Variants in MBNL3 observed in about 807,000 individuals in gnomAD.
MBNL3 encodes muscleblind-like protein 3.
A neutral mutation model predicts 24.5 loss-of-function variants in MBNL3; 6 were observed. The ratio of observed to expected loss-of-function variants is 0.25; its 90% CI spans 0.13 to 0.48. The LOEUF (loss-of-function observed/expected upper bound fraction) is 0.48. Among genes scored for constraint, MBNL3 ranks in the 20% least tolerant of loss-of-function variants. MBNL3 has a pLI of 0.99. For missense variants in MBNL3, 230 were observed against 293.5 expected (o/e 0.78, Z 1.58); for synonymous variants, 100 against 101.7 (o/e 0.98, Z 0.10).
rs199659826 is a variant in MBNL3 at position 132,397,573 on chromosome X, ATT to A, written c.343-5241_343-5240del. On this transcript the variant is annotated intron_variant, in intron 3 of 8. Transcript: ENST00000370853. ...ACAGAAGGGTAAACATTTGGTAACA[ATT>A]TGTTGACCCAATTTTAATACAAGAA... is the stretch of plus-strand genomic sequence containing the variant. 3.8e-3 allele frequency among the ~76,000 whole-genome samples: 419 copies of A among 111,587 alleles called. 2 individuals carry two copies. Among genetic ancestry groups the A allele is most frequent in the Non-Finnish European group, 6.4e-3 (339 of 52,964 alleles).
intron 1 of MBNL3, among the ~76,000 whole-genome samples, chrX:132,461,413 T>A (rs1569458055): frequency 9.0e-6 from 1 of 111,548 alleles, no homozygotes; most frequent in Non-Finnish European, 1.9e-5. Flanking sequence ...TAAGATACCA[T>A]GAGTCAATAA....
intron 3 of MBNL3, among the ~76,000 whole-genome samples, chrX:132,393,296 A>G (rs1225830842): frequency 9.1e-6 from 1 of 110,433 alleles, no homozygotes; most frequent in Admixed American, 9.7e-5. Context: ...GGCACTAGAA[A>G]TGCTACAAGA....
rs1935118123 is a variant in MBNL3, at chrX:132,382,233, G to A, written c.998C>T (p.Ala333Val). The A allele has an allele frequency of 8.3e-7, 1 of 1,209,184 alleles. No homozygotes were observed. The highest frequency in any genetic ancestry group is 1.1e-6 in the Non-Finnish European group (1 of 894,689). ...MHGATPTTVS[A>V]ATTPATSVPF... is the part of the protein sequence containing the mutation. ...AACGCTGGTGGCAGGTGTTGTTGCT[G>A]CAGACACAGTGGTAGGTGTAGCACC... The change falls in exon 8 of 9, where the codon GCA (alanine) becomes GTA (valine). Residue 333 changes from alanine (A) to valine (V), a missense_variant. Ala to Val is a moderately conservative substitution (Grantham distance 64). Coordinates refer to ENST00000370853, the MANE Select transcript of MBNL3 (RefSeq NM_001386889.1).
At chrX:132,479,090 A>T (rs1947592522) in intron 1 of MBNL3, among the ~76,000 whole-genome samples, 1 of 111,372 alleles carries the variant, frequency 9.0e-6, no homozygotes, top group South Asian at 3.8e-4. Flanking sequence ...CTCTACTAAA[A>T]ATACAAAAAT....
chrX:132,390,436 T>C (rs887732824), intron 5 of MBNL3, among the ~76,000 whole-genome samples: 10 of 110,252 alleles, frequency 9.1e-5, no homozygotes, highest in African/African-American at 3.3e-4. Flanking sequence ...ATCTTTTAAG[T>C]GCTGTGTTTT....
Position 132,387,875 on chromosome X carries a change from A to G in MBNL3, c.772-1064T>C, listed in dbSNP as rs1181771837. On this transcript the variant is annotated intron_variant, in intron 5 of 8. Transcript: ENST00000370853. Reference sequence around the variant, plus strand: ...ATTTTTAAACCATCCTTTCATGTCTACAGTTCTTTCAAAATCCCACTGTGC... The same window carrying G: ...ATTTTTAAACCATCCTTTCATGTCTGCAGTTCTTTCAAAATCCCACTGTGC... 1.5e-4 allele frequency among the ~76,000 whole-genome samples: 17 copies of G among 112,086 alleles called. No homozygotes were observed. The Admixed American group carries it at 1.6e-3, about 11-fold the overall frequency.
At chrX:132,388,951 G>A (rs1936634788) in intron 5 of MBNL3, among the ~76,000 whole-genome samples, 1 of 106,368 alleles carries the variant, frequency 9.4e-6, no homozygotes, top group African/African-American at 3.3e-5. Flanking sequence ...AGACCCTGCT[G>A]TGATCAGTTA....
In MBNL3 at chrX:132,439,667, C is replaced by A; in HGVS notation, c.-56G>T. Reference sequence around the variant, plus strand: ...CTCTTTAGGACAATATTACTGTGGACTATTAAAGGATTAAAAATGAATTCA... The same window carrying A: ...CTCTTTAGGACAATATTACTGTGGAATATTAAAGGATTAAAAATGAATTCA... On this transcript the variant is annotated 5_prime_UTR_variant, in exon 2 of 9. Transcript: ENST00000370853. 2 of 1,088,132 alleles carry A rather than the reference C, an allele frequency of 1.8e-6. No homozygotes were observed. Among genetic ancestry groups the A allele is most frequent in the Non-Finnish European group, 1.2e-6 (1 of 834,772 alleles). 89.7% of individuals were successfully genotyped at this position (1,088,132 alleles called of 1,213,427 possible).
At position 132,453,022 on chromosome X, in the gene MBNL3, T is replaced by C. The variant is rs186193248; in HGVS notation, c.-703-12708A>G. On this transcript the variant is annotated intron_variant, in intron 1 of 8. Transcript: ENST00000370853. ...TCTAGATGAAGGCAAGAGAGGCAGA[T>C]AGTATTTCTGAAAAGGGAAGCAGCA... Among the ~76,000 whole-genome samples the C allele has an allele frequency of 3.3e-3, 369 of 111,776 alleles. 1 individual carries two copies. Among genetic ancestry groups the C allele is most frequent in the African/African-American group, 0.011 (349 of 30,776 alleles).
chrX:132,447,298 G>T (rs902656046), intron 1 of MBNL3, among the ~76,000 whole-genome samples: 1 of 111,630 alleles, frequency 9.0e-6, no homozygotes, highest in Non-Finnish European at 1.9e-5. Context: ...AAGAAAGTCA[G>T]TGGTAGCTTG....
chrX:132,483,650 G>C (rs1341442974), intron 1 of MBNL3, among the ~76,000 whole-genome samples: 1 of 111,922 alleles, frequency 8.9e-6, no homozygotes, highest in East Asian at 2.8e-4. Flanking sequence ...CTCTTGTTTG[G>C]TTACTTTGTA....
intron 1 of MBNL3, among the ~76,000 whole-genome samples, chrX:132,444,927 A>T (rs1002495565): frequency 2.7e-5 from 3 of 111,721 alleles, no homozygotes; most frequent in Non-Finnish European, 5.6e-5. Flanking sequence ...AGCTGTTTGC[A>T]AGGCCACTGC....
intron 1 of MBNL3, among the ~76,000 whole-genome samples, chrX:132,485,979 T>C: frequency 8.9e-6 from 1 of 112,174 alleles, no homozygotes; most frequent in Non-Finnish European, 1.9e-5. Flanking sequence ...GAAGTAAAGG[T>C]GAGTGTAGCC....
chrX:132,386,837 A>C, intron 5 of MBNL3, 26 bp from the exon 6 acceptor site: 1 of 1,201,752 alleles, frequency 8.3e-7, no homozygotes. Context: ...TGGTACTAGT[A>C]CTAGAGAAAG....
intron 8 of MBNL3, among the ~76,000 whole-genome samples, chrX:132,381,724 C>T (rs992493048): frequency 1.8e-5 from 2 of 111,686 alleles, no homozygotes; most frequent in African/African-American, 6.5e-5. Flanking sequence ...GTAATCACTG[C>T]GAAATGATAA....
At chrX:132,482,928 G>T (rs138928841) in intron 1 of MBNL3, among the ~76,000 whole-genome samples, 1 of 111,562 alleles carries the variant, frequency 9.0e-6, no homozygotes, top group Non-Finnish European at 1.9e-5. Context: ...ACACAGGCAT[G>T]GTACCCCAGT....
intron 6 of MBNL3, 80 bp from the exon 7 acceptor site, chrX:132,384,778 C>T: frequency 3.6e-6 from 3 of 832,554 alleles, no homozygotes. Flanking sequence ...TACATTTTAA[C>T]AGAAAGATTA....
Position 132,396,801 on chromosome X carries a change from TATATTC to T in MBNL3, c.343-4473_343-4468del, listed in dbSNP as rs1260869022. On this transcript the variant is annotated intron_variant, in intron 3 of 8. Coordinates refer to ENST00000370853, the MANE Select transcript of MBNL3 (RefSeq NM_001386889.1). ...ATATATATTCATATATATATTCATA[TATATTC>T]ATATATACATATATATATTCATATA... 1.6e-4 allele frequency among the ~76,000 whole-genome samples: 8 copies of T among 49,078 alleles called. 1 individual carries two copies. Among genetic ancestry groups the T allele is most frequent in the African/African-American group, 4.0e-4 (4 of 10,088 alleles). 42.6% of individuals were successfully genotyped at this position (49,078 alleles called of 115,157 possible). A position where few individuals can be genotyped will look rare whatever the true frequency, so the allele number is the denominator to read the frequency against.
intron 2 of MBNL3, among the ~76,000 whole-genome samples, chrX:132,408,170 C>A (rs1277354984): frequency 2.6e-5 from 2 of 75,743 alleles, no homozygotes; most frequent in Non-Finnish European, 4.6e-5. Flanking sequence ...CATTTGGAGA[C>A]CCTGCTGCCT....
Sources: allele counts gnomAD v4.1 joint callset (sites outside exome capture counted in the v4.1 genomes callset), GRCh38; gene constraint gnomAD v4.1.1; transcripts MANE v1.5; gene names NCBI Gene and HGNC (gene_info 2026-07-23, HGNC 2026-07-21).